NTM: variants seen among roughly 807,000 people sequenced by gnomAD.
NTM encodes the protein IgLON family member 2.
A neutral mutation model predicts 42.1 loss-of-function variants in NTM; 13 were observed. The ratio of observed to expected loss-of-function variants is 0.31; its 90% CI spans 0.20 to 0.49. The LOEUF (loss-of-function observed/expected upper bound fraction) is 0.49. NTM is among the 20% of genes least tolerant of loss of function. The pLI, the probability that NTM is intolerant of heterozygous loss-of-function variation, is 0.99. For missense variants in NTM, 373 were observed against 452.8 expected (o/e 0.82, Z 1.60); for synonymous variants, 187 against 179.2 (o/e 1.04, Z -0.35).
chr11:131,903,886 C>A (rs1472230102), intron 1 of NTM, among the ~76,000 whole-genome samples: 4 of 152,148 alleles, frequency 2.6e-5, no homozygotes, highest in Non-Finnish European at 5.9e-5. Flanking sequence ...AGTGCATTAA[C>A]CCATTTGAGT....
At chr11:131,965,253 A>G (rs1182330482) in intron 2 of NTM, among the ~76,000 whole-genome samples, 1 of 152,116 alleles carries the variant, frequency 6.6e-6, no homozygotes, top group East Asian at 1.9e-4. Flanking sequence ...CCAGGAAAGG[A>G]GCTCTGATCT....
chr11:131,919,454 G>A (rs769603138), intron 2 of NTM, among the ~76,000 whole-genome samples: 14 of 152,270 alleles, frequency 9.2e-5, no homozygotes, highest in Non-Finnish European at 2.1e-4. Flanking sequence ...AAGCAACGGG[G>A]AAGTTTACTA....
intron 1 of NTM, among the ~76,000 whole-genome samples, chr11:131,854,618 T>A (rs920753722): frequency 6.6e-6 from 1 of 152,066 alleles, no homozygotes; most frequent in African/African-American, 2.4e-5. Context: ...TGGAGCCCAG[T>A]GTGGGAGGGA....
intron 1 of NTM, among the ~76,000 whole-genome samples, chr11:131,852,943 C>G (rs1242394721): frequency 2.0e-5 from 3 of 151,346 alleles, no homozygotes; most frequent in African/African-American, 7.3e-5. Flanking sequence ...TCCATCCACC[C>G]ACCCATTCAT....
At chr11:131,854,041 A>T (rs1423815369) in intron 1 of NTM, among the ~76,000 whole-genome samples, 4 of 152,270 alleles carry the variant, frequency 2.6e-5, no homozygotes, top group African/African-American at 9.6e-5. Flanking sequence ...CATCTGTAGT[A>T]GTTTAGGAAA....
chr11:131,780,104 T>G (rs553599501), intron 1 of NTM, among the ~76,000 whole-genome samples: 1 of 152,274 alleles, frequency 6.6e-6, no homozygotes. Flanking sequence ...AAAGGGAAGA[T>G]AATGAAATGG....
chr11:131,719,225 C>T (rs1172644383), intron 1 of NTM, among the ~76,000 whole-genome samples: 6 of 152,120 alleles, frequency 3.9e-5, no homozygotes, highest in Non-Finnish European at 8.8e-5. Flanking sequence ...TGTTTTGTCT[C>T]TCTTGTTGTT....
intron 1 of NTM, among the ~76,000 whole-genome samples, chr11:131,790,115 G>T (rs1465543596): frequency 6.6e-6 from 1 of 151,990 alleles, no homozygotes; most frequent in East Asian, 1.9e-4. Context: ...AAAAGGATAA[G>T]AAGATGGCAA....
intron 4 of NTM, among the ~76,000 whole-genome samples, chr11:132,232,572 C>A (rs2087838799): frequency 6.6e-6 from 1 of 152,198 alleles, no homozygotes; most frequent in South Asian, 2.1e-4. Flanking sequence ...CTTTGCTCTG[C>A]CAGTTACTAA....
chr11:132,074,125 G>T (rs943986287), intron 2 of NTM, among the ~76,000 whole-genome samples: 1 of 152,182 alleles, frequency 6.6e-6, no homozygotes, highest in Non-Finnish European at 1.5e-5. Context: ...GGGTTGTTTG[G>T]AAAACAATAT....
At chr11:131,870,995 A>G (rs2047719005) in intron 1 of NTM, among the ~76,000 whole-genome samples, 1 of 152,218 alleles carries the variant, frequency 6.6e-6, no homozygotes, top group Non-Finnish European at 1.5e-5. Context: ...TACAGAATCT[A>G]CAAGCTGCCA....
chr11:131,575,690 T>C (rs2057863315), intron 1 of NTM, among the ~76,000 whole-genome samples: 1 of 152,222 alleles, frequency 6.6e-6, no homozygotes, highest in Admixed American at 6.5e-5. Context: ...GAAAGTAGTT[T>C]AATGGTAGGG....
chr11:132,232,275 A>G (rs1416903002), intron 4 of NTM, among the ~76,000 whole-genome samples: 2 of 152,018 alleles, frequency 1.3e-5, no homozygotes, highest in Non-Finnish European at 1.5e-5. Context: ...CCATCTGATG[A>G]TATATACCAC....
chr11:131,815,500 A>G (rs915737371), intron 1 of NTM, among the ~76,000 whole-genome samples: 1 of 152,146 alleles, frequency 6.6e-6, no homozygotes, highest in Non-Finnish European at 1.5e-5. Flanking sequence ...CTCAGTATGG[A>G]CTGGTAGAGC....
intron 3 of NTM, among the ~76,000 whole-genome samples, chr11:132,153,113 C>T (rs1356375915): frequency 6.6e-6 from 1 of 152,190 alleles, no homozygotes; most frequent in African/African-American, 2.4e-5. Flanking sequence ...CTGTAAGCAG[C>T]CACTGAGTTC....
chr11:131,684,054 G>A (rs1257937254), intron 1 of NTM, among the ~76,000 whole-genome samples: 1 of 152,192 alleles, frequency 6.6e-6, no homozygotes, highest in East Asian at 1.9e-4. Flanking sequence ...CTGGCTGGCC[G>A]TGTGAGGAGA....
intron 1 of NTM, among the ~76,000 whole-genome samples, chr11:131,554,994 A>G (rs1033479782): frequency 6.6e-6 from 1 of 152,046 alleles, no homozygotes; most frequent in Non-Finnish European, 1.5e-5. Context: ...AAAGCTATAC[A>G]CTTTCTAAAT....
At chr11:131,866,705 T>G (rs1029484263) in intron 1 of NTM, among the ~76,000 whole-genome samples, 2 of 152,174 alleles carry the variant, frequency 1.3e-5, no homozygotes, top group Non-Finnish European at 2.9e-5. Flanking sequence ...TCCCTTACAT[T>G]TTAAACAGGT....
chr11:131,632,123 T>C (rs960368348), intron 1 of NTM, among the ~76,000 whole-genome samples: 1 of 152,240 alleles, frequency 6.6e-6, no homozygotes, highest in African/African-American at 2.4e-5. Flanking sequence ...TTCTGTATTA[T>C]GTACTTGAAT....
Sources: gnomAD v4.1 joint callset for allele counts (sites outside exome capture counted in the v4.1 genomes callset) on GRCh38, gnomAD v4.1.1 for gene constraint, MANE v1.5 for transcripts, NCBI Gene and HGNC (gene_info 2026-07-23, HGNC 2026-07-21) for gene names.